The following TRIT1 variants were observed in gnomAD, a reference collection of about 807,000 sequenced individuals.
TRIT1 encodes the protein tRNA isopentenyltransferase 1.
A neutral mutation model predicts 51.2 loss-of-function variants in TRIT1; 43 were observed. The observed-to-expected ratio is 0.84, with a 90% CI of 0.66 to 1.08. The LOEUF (loss-of-function observed/expected upper bound fraction) is 1.08. TRIT1 is among the 50% of genes least tolerant of loss of function. The pLI, the probability that TRIT1 is intolerant of heterozygous loss-of-function variation, is 0.00. For missense variants in TRIT1, 528 were observed against 578.4 expected, an observed-to-expected ratio of 0.91 and a Z score of 0.89; for synonymous variants, 184 against 203.9, an observed-to-expected ratio of 0.90 and a Z score of 0.83.
Position 39,841,923 on chromosome 1 carries a change from CAAAATCA to C in TRIT1, c.1235-17_1235-11del. On this transcript the variant is annotated splice_polypyrimidine_tract_variant and intron_variant, in intron 10 of 10. Coordinates refer to ENST00000316891, the MANE Select transcript of TRIT1 (RefSeq NM_017646.6). ...TTGGATTTTATGTGCGCTGATAAGA[CAAAATCA>C]AACCAAACAAACAAAAAAACTCATT... The C allele has an allele frequency of 6.3e-7, 1 of 1,591,454 alleles. No homozygotes were observed.
In TRIT1 at chr1:39,858,394, A is replaced by G. The variant is rs550171321; in HGVS notation, c.175-977T>C. Among the ~76,000 whole-genome samples, 52 of 152,350 alleles carry G rather than the reference A, an allele frequency of 3.4e-4. No homozygotes were observed. The South Asian group carries it at 0.011, about 31-fold the overall frequency. Reference sequence around the variant, plus strand: ...CTTACTAGTTATTCGTAGTTGAAGAAGTCAGTTACTAACCTCTCTGGGCCT... The same window carrying G: ...CTTACTAGTTATTCGTAGTTGAAGAGGTCAGTTACTAACCTCTCTGGGCCT... On this transcript the variant is annotated intron_variant, in intron 1 of 10. Coordinates refer to ENST00000316891, the MANE Select transcript of TRIT1 (RefSeq NM_017646.6).
At chr1:39,848,894 T>C (rs931424842) in intron 5 of TRIT1, among the ~76,000 whole-genome samples, 2 of 151,088 alleles carry the variant, frequency 1.3e-5, no homozygotes, top group Non-Finnish European at 2.9e-5. Flanking sequence ...GAGTGAGAGG[T>C]CGTAATTGTT....
chr1:39,868,780 C>G (rs899619829), intron 1 of TRIT1, among the ~76,000 whole-genome samples: 3 of 152,146 alleles, frequency 2.0e-5, no homozygotes, highest in Non-Finnish European at 4.4e-5. Flanking sequence ...TCAACACTGG[C>G]TGGGCGTGGT....
At chr1:39,859,631 A>G (rs886460164) in intron 1 of TRIT1, among the ~76,000 whole-genome samples, 2 of 152,014 alleles carry the variant, frequency 1.3e-5, no homozygotes, top group African/African-American at 4.8e-5. Context: ...AGGGAGGAAA[A>G]GAGTTAATAA....
intron 1 of TRIT1, among the ~76,000 whole-genome samples, chr1:39,878,943 G>A (rs1007339090): frequency 6.6e-6 from 1 of 152,070 alleles, no homozygotes; most frequent in African/African-American, 2.4e-5. Context: ...TCAAAATGTT[G>A]CACACTCCTA....
chr1:39,872,068 A>ATTTTTTTTTTT (rs59839907), intron 1 of TRIT1, among the ~76,000 whole-genome samples: 5 of 114,252 alleles, frequency 4.4e-5, no homozygotes, highest in Admixed American at 9.5e-5. Context: ...GGCCTGACTA[A>ATTTTTTTTTTT]TTTTTTTTTT....
intron 1 of TRIT1, 73 bp from the exon 2 acceptor site, chr1:39,857,490 T>G (rs528181782): frequency 1.9e-4 from 299 of 1,536,182 alleles, no homozygotes; most frequent in Admixed American, 1.3e-3. Context: ...AATAGAAATT[T>G]TGATCTATTT....
chr1:39,862,681 G>T, intron 1 of TRIT1: 1 of 706,366 alleles, frequency 1.4e-6, no homozygotes, highest in Non-Finnish European at 1.7e-6. Flanking sequence ...TGGTCCAGAG[G>T]TTTAGGTCAC....
intron 1 of TRIT1, among the ~76,000 whole-genome samples, chr1:39,869,208 T>A (rs565841127): frequency 1.3e-5 from 2 of 152,224 alleles, no homozygotes; most frequent in Admixed American, 1.3e-4. Flanking sequence ...CCCTGCCTGA[T>A]TCTCCTGCTT....
chr1:39,870,482 C>G (rs192679233), intron 1 of TRIT1, among the ~76,000 whole-genome samples: 1 of 136,904 alleles, frequency 7.3e-6, no homozygotes, highest in Admixed American at 7.9e-5. Flanking sequence ...TCCCCCTCTG[C>G]GAGCAACACC....
At position 39,839,717 on chromosome 1, in the gene TRIT1, A is replaced by T. The variant is rs576006219; in HGVS notation, c.*2027T>A. 2.6e-5 allele frequency among the ~76,000 whole-genome samples: 4 copies of T among 152,358 alleles called. No homozygotes were observed. The East Asian group carries it at 7.7e-4, about 29-fold the overall frequency. On this transcript the variant is annotated 3_prime_UTR_variant, in exon 11 of 11. Transcript: ENST00000316891. ...CCTTACACTTAGTAAGTGCTTCATA[A>T]ATATTAGACACTTTTTTTTTGGTAA...
intron 1 of TRIT1, among the ~76,000 whole-genome samples, chr1:39,872,752 AAC>A (rs61554657): frequency 0.016 from 2,107 of 135,000 alleles, 44 homozygotes; most frequent in African/African-American, 0.043. Context: ...GGAAGTACTA[AAC>A]ACACACACAC....
chr1:39,843,340 T>G (rs1223362504), intron 10 of TRIT1, among the ~76,000 whole-genome samples: 6 of 152,002 alleles, frequency 3.9e-5, no homozygotes, highest in Non-Finnish European at 7.4e-5. Flanking sequence ...TTACACCTAT[T>G]TCTAAATACC....
At chr1:39,845,916 A>G (rs1345565467) in intron 8 of TRIT1, among the ~76,000 whole-genome samples, 3 of 152,224 alleles carry the variant, frequency 2.0e-5, no homozygotes, top group South Asian at 4.1e-4. Context: ...GAACAGGCAT[A>G]TGACACACTG....
chr1:39,839,952 C>T lies in TRIT1; in HGVS notation c.*1792G>A, dbSNP rs116203730. Among the ~76,000 whole-genome samples, 429 of 152,254 alleles carry T rather than the reference C, an allele frequency of 2.8e-3. No individual in the cohort carries two copies. Among genetic ancestry groups the T allele is most frequent in the African/African-American group, 9.5e-3 (396 of 41,528 alleles). ...ATTTCAGAGAAACTAAAGGTTCTTC[C>T]CTACAAACTGCCAGCTTAACACAGT... On this transcript the variant is annotated 3_prime_UTR_variant, in exon 11 of 11. Transcript: ENST00000316891.
chr1:39,883,208 AC>A, intron 1 of TRIT1, 109 bp downstream of exon 1: 2 of 1,197,384 alleles, frequency 1.7e-6, no homozygotes, highest in Non-Finnish European at 2.3e-6. Flanking sequence ...CCCTTTACCT[AC>A]CCCCTCCGCC....
chr1:39,875,279 G>C (rs929883495), intron 1 of TRIT1, among the ~76,000 whole-genome samples: 3 of 152,016 alleles, frequency 2.0e-5, no homozygotes, highest in African/African-American at 7.2e-5. Flanking sequence ...CACGAGGTCA[G>C]GAGTTCGAGA....
intron 1 of TRIT1, among the ~76,000 whole-genome samples, chr1:39,877,487 G>A (rs1644109178): frequency 1.3e-5 from 2 of 152,086 alleles, no homozygotes; most frequent in African/African-American, 4.8e-5. Context: ...CCTATGTACG[G>A]CTACTGCTTC....
intron 1 of TRIT1, among the ~76,000 whole-genome samples, chr1:39,872,498 T>C (rs137957344): frequency 1.6e-3 from 248 of 152,190 alleles, no homozygotes; most frequent in African/African-American, 5.4e-3. Context: ...AAATATACTA[T>C]AGGGAATGAG....
Sources: gnomAD v4.1 joint callset for allele counts (sites outside exome capture counted in the v4.1 genomes callset) on GRCh38, gnomAD v4.1.1 for gene constraint, MANE v1.5 for transcripts, NCBI Gene and HGNC (gene_info 2026-07-23, HGNC 2026-07-21) for gene names.